The following WDR59 variants were observed in gnomAD, a reference collection of about 807,000 sequenced individuals.
The protein encoded by WDR59 is WD repeat domain 59, also known as GATOR2 complex protein WDR59.
WDR59 carries 100 observed loss-of-function variants against 131.2 expected under a neutral mutation model. That is an observed-to-expected ratio of 0.76 (90% CI 0.65 to 0.90). The LOEUF is 0.90. Among genes scored for constraint, WDR59 ranks in the 40% least tolerant of loss-of-function variants. The probability of loss-of-function intolerance (pLI) is 0.00; values close to 1 mark genes in which losing one functional copy is unlikely to be tolerated. For synonymous variants in WDR59, 601 were observed against 466.2 expected (o/e 1.29, Z -3.72); for missense variants, 1,203 against 1,262.2 (o/e 0.95, Z 0.71).
At chr16:74,975,606 C>G (rs903492520) in intron 1 of WDR59, among the ~76,000 whole-genome samples, 1 of 148,692 alleles carries the variant, frequency 6.7e-6, no homozygotes, top group East Asian at 2.0e-4. Context: ...GGAGGATGCA[C>G]TGAGCCGAGA....
At chr16:74,972,721 T>G (rs1406075635) in intron 1 of WDR59, among the ~76,000 whole-genome samples, 2 of 146,612 alleles carry the variant, frequency 1.4e-5, no homozygotes, top group East Asian at 4.1e-4. Flanking sequence ...CTCAGGAGGC[T>G]GAGGCACAAG....
intron 8 of WDR59, among the ~76,000 whole-genome samples, chr16:74,937,847 C>T (rs1394914998): frequency 6.6e-6 from 1 of 152,166 alleles, no homozygotes; most frequent in Non-Finnish European, 1.5e-5. Flanking sequence ...CTTCCTTTCA[C>T]AAAGGGAAAG....
At chr16:74,922,658 A>AG (rs1264329386) in intron 9 of WDR59, among the ~76,000 whole-genome samples, 1 of 152,220 alleles carries the variant, frequency 6.6e-6, no homozygotes, top group East Asian at 1.9e-4. Flanking sequence ...TGGGTAGCTA[A>AG]GGGTTCCATT....
intron 25 of WDR59, among the ~76,000 whole-genome samples, chr16:74,878,657 C>CA (rs201527420): frequency 0.018 from 2,675 of 151,004 alleles, 59 homozygotes; most frequent in African/African-American, 0.058. Context: ...ACCCCCTCGC[C>CA]AAAAAAAAGA....
intron 8 of WDR59, among the ~76,000 whole-genome samples, chr16:74,928,106 C>G (rs1048646356): frequency 6.6e-6 from 1 of 151,588 alleles, no homozygotes; most frequent in Admixed American, 6.6e-5. Context: ...CAGGGTTTCA[C>G]CATGTTGGCC....
chr16:74,972,935 A>T (rs922282869), intron 1 of WDR59, among the ~76,000 whole-genome samples: 2 of 149,506 alleles, frequency 1.3e-5, no homozygotes, highest in Admixed American at 6.7e-5. Flanking sequence ...TCCAATTTCT[A>T]TTCAAATTAG....
In WDR59 at chr16:74,912,180, G is replaced by C; in HGVS notation, c.1389+18C>G. ...TGATGCAGAACAGCAAGGAGAATTT[G>C]GGAACCCAGACCCCCACCTTCAGCA... On this transcript the variant is annotated intron_variant, in intron 14 of 25. Transcript: ENST00000262144. 6.2e-7 allele frequency: 1 copy of C among 1,614,126 alleles called. No individual in the cohort carries two copies. The highest frequency in any genetic ancestry group is 8.5e-7 in the Non-Finnish European group (1 of 1,180,004).
At chr16:74,907,215 T>C (rs1048294794) in intron 17 of WDR59, among the ~76,000 whole-genome samples, 3 of 152,092 alleles carry the variant, frequency 2.0e-5, no homozygotes, top group African/African-American at 7.2e-5. Context: ...TCTCATCCAG[T>C]TCTCTCTCTT....
At chr16:74,883,118 G>A (rs147090493) in intron 25 of WDR59, among the ~76,000 whole-genome samples, 2,222 of 133,514 alleles carry the variant, frequency 0.017, 38 homozygotes, top group African/African-American at 0.056. Flanking sequence ...TCCGCCTCCC[G>A]AGCTCAAGTG....
At chr16:74,921,203 C>T (rs34650857) in intron 10 of WDR59, among the ~76,000 whole-genome samples, 75,891 of 151,812 alleles carry the variant, frequency 0.5, 21,603 homozygotes, top group Non-Finnish European at 0.63. Flanking sequence ...AGGTACTAAG[C>T]CTAGTACCCA....
At chr16:74,937,995 A>C (rs2031937331) in intron 8 of WDR59, among the ~76,000 whole-genome samples, 155 bp downstream of exon 8, 2 of 152,258 alleles carry the variant, frequency 1.3e-5, no homozygotes, top group Admixed American at 1.3e-4. Flanking sequence ...GCTGGTCAGC[A>C]TAACCAAATT....
intron 2 of WDR59, among the ~76,000 whole-genome samples, chr16:74,961,317 CA>C (rs1007321921): frequency 3.2e-4 from 49 of 151,672 alleles, no homozygotes; most frequent in African/African-American, 1.1e-3. Flanking sequence ...ACAACAACAA[CA>C]AAAAAAACCC....
intron 9 of WDR59, among the ~76,000 whole-genome samples, chr16:74,922,738 GC>G (rs2030372091): frequency 6.6e-6 from 1 of 151,634 alleles, no homozygotes; most frequent in African/African-American, 2.4e-5. Context: ...TATCTTCACC[GC>G]CCCTCCTGGT....
intron 8 of WDR59, among the ~76,000 whole-genome samples, chr16:74,933,001 A>C (rs1443714088): frequency 6.6e-6 from 1 of 152,210 alleles, no homozygotes; most frequent in Non-Finnish European, 1.5e-5. Context: ...ATGTTGACAA[A>C]GCTGGCCAAA....
At chr16:74,952,050 C>G (rs2033033545) in intron 3 of WDR59, among the ~76,000 whole-genome samples, 1 of 151,550 alleles carries the variant, frequency 6.6e-6, no homozygotes, top group Non-Finnish European at 1.5e-5. Flanking sequence ...CTCCTAGGCT[C>G]AAACAATCCC....
intron 22 of WDR59, 33 bp downstream of exon 22, chr16:74,888,136 A>C (rs1291444827): frequency 6.5e-7 from 1 of 1,548,964 alleles, no homozygotes; most frequent in Non-Finnish European, 8.7e-7. Flanking sequence ...AAAAAAAAAA[A>C]AATCAGACAA....
At chr16:74,951,159 C>CA (rs71378721) in intron 4 of WDR59, among the ~76,000 whole-genome samples, 15,653 of 74,394 alleles carry the variant, frequency 0.21, 2,297 homozygotes, top group African/African-American at 0.42. Flanking sequence ...GACTTCGTCT[C>CA]AAAAAAAAAA....
intron 3 of WDR59, among the ~76,000 whole-genome samples, chr16:74,953,808 T>C (rs2033137183): frequency 6.6e-6 from 1 of 151,094 alleles, no homozygotes; most frequent in African/African-American, 2.4e-5. Flanking sequence ...GAGACCATCC[T>C]GGCTAACAGG....
chr16:74,886,221 T>G, intron 24 of WDR59, 49 bp downstream of exon 24: 2 of 1,560,294 alleles, frequency 1.3e-6, no homozygotes, highest in South Asian at 1.2e-5. Context: ...GAAACTGGAG[T>G]CCTGCCTGGA....
Sources: gnomAD v4.1 joint callset for allele counts (sites outside exome capture counted in the v4.1 genomes callset) on GRCh38, gnomAD v4.1.1 for gene constraint, MANE v1.5 for transcripts, NCBI Gene and HGNC (gene_info 2026-07-23, HGNC 2026-07-21) for gene names.